PNKD: variants seen among roughly 807,000 people sequenced by gnomAD.
PNKD encodes the protein probable thioesterase PNKD.
PNKD carries 36 observed loss-of-function variants against 45.3 expected under a neutral mutation model. The ratio of observed to expected loss-of-function variants is 0.80; its 90% confidence interval spans 0.61 to 1.05. The LOEUF (loss-of-function observed/expected upper bound fraction) is 1.05, where lower values mean the gene tolerates loss of function less well. Among genes scored for constraint, PNKD ranks in the 50% least tolerant of loss-of-function variants. The probability of loss-of-function intolerance (pLI) is 0.00; values close to 1 mark genes in which losing one functional copy is unlikely to be tolerated. For missense variants in PNKD, 511 were observed against 506.6 expected (o/e 1.01, Z -0.08); for synonymous variants, 197 against 210.1 (o/e 0.94, Z 0.54).
At chr2:218,293,616 C>G (rs955262908) in intron 2 of PNKD, among the ~76,000 whole-genome samples, 1 of 135,118 alleles carries the variant, frequency 7.4e-6, no homozygotes, top group Non-Finnish European at 1.5e-5. Context: ...GACAGGGTCT[C>G]GCTCTGTCAC....
chr2:218,297,634 G>A (rs1354044830), intron 2 of PNKD, among the ~76,000 whole-genome samples: 2 of 136,930 alleles, frequency 1.5e-5, no homozygotes, highest in Admixed American at 8.5e-5. Context: ...GCAGTGAGCC[G>A]AGATCATGCC....
intron 2 of PNKD, among the ~76,000 whole-genome samples, chr2:218,330,979 CTG>C (rs1694299298): frequency 6.6e-6 from 1 of 152,206 alleles, no homozygotes; most frequent in Admixed American, 6.5e-5. Context: ...GAAAGGGAAA[CTG>C]AGGTTAGGGG....
At chr2:218,338,005 G>A (rs1169676890) in intron 2 of PNKD, among the ~76,000 whole-genome samples, 2 of 152,176 alleles carry the variant, frequency 1.3e-5, no homozygotes, top group East Asian at 3.9e-4. Flanking sequence ...AAATTAGCTG[G>A]GTGTGGTGGT....
intron 2 of PNKD, among the ~76,000 whole-genome samples, chr2:218,298,899 G>A (rs755942152): frequency 9.2e-5 from 14 of 152,024 alleles, no homozygotes; most frequent in Non-Finnish European, 2.1e-4. Context: ...CCCAAGAAAA[G>A]CCAACAGCGA....
chr2:218,277,003 C>A, intron 2 of PNKD: 2 of 1,613,466 alleles, frequency 1.2e-6, no homozygotes, highest in Non-Finnish European at 1.7e-6. Flanking sequence ...GGGACACTCA[C>A]GTATTGGAAG....
intron 2 of PNKD, among the ~76,000 whole-genome samples, chr2:218,299,555 C>T (rs1693222346): frequency 6.6e-6 from 1 of 152,218 alleles, no homozygotes; most frequent in African/African-American, 2.4e-5. Context: ...AGCCATCCTC[C>T]CACCTCAGCC....
intron 2 of PNKD, among the ~76,000 whole-genome samples, chr2:218,339,386 C>T (rs1249389464): frequency 3.9e-5 from 6 of 152,098 alleles, no homozygotes; most frequent in South Asian, 2.1e-4. Context: ...CCACCACACC[C>T]GACTAAGTTT....
intron 2 of PNKD, among the ~76,000 whole-genome samples, chr2:218,281,493 G>A (rs1691988398): frequency 6.6e-6 from 1 of 152,212 alleles, no homozygotes; most frequent in South Asian, 2.1e-4. Flanking sequence ...TACCAAACTT[G>A]GCTCCAAATG....
At chr2:218,278,955 C>T in intron 2 of PNKD, 1 of 1,541,520 alleles carries the variant, frequency 6.5e-7, no homozygotes, top group Non-Finnish European at 8.9e-7. Flanking sequence ...CATTTTGATC[C>T]TGCCCTGAGC....
At chr2:218,298,298 C>T (rs538161252) in intron 2 of PNKD, among the ~76,000 whole-genome samples, 1 of 152,256 alleles carries the variant, frequency 6.6e-6, no homozygotes, top group Non-Finnish European at 1.5e-5. Context: ...CTTGGGGATA[C>T]TTCTTTCCAG....
At chr2:218,273,447 T>TG (rs1491183557) in intron 2 of PNKD, among the ~76,000 whole-genome samples, 10 of 95,060 alleles carry the variant, frequency 1.1e-4, no homozygotes, top group African/African-American at 7.0e-4. Context: ...ACTTTTTGTG[T>TG]TTTTTTTTTT....
chr2:218,270,673 A>G (rs1016032895), intron 1 of PNKD, 71 bp downstream of exon 1: 3 of 472,886 alleles, frequency 6.3e-6, no homozygotes, highest in African/African-American at 6.0e-5. Context: ...GCCCGACGAT[A>G]GCAGGAGGTC....
At chr2:218,336,895 G>C (rs1694512886) in intron 2 of PNKD, among the ~76,000 whole-genome samples, 1 of 143,174 alleles carries the variant, frequency 7.0e-6, no homozygotes, top group South Asian at 2.2e-4. Flanking sequence ...CGCCTCCCAG[G>C]TTCAAGTGAT....
At chr2:218,324,119 C>G (rs988307536) in intron 2 of PNKD, among the ~76,000 whole-genome samples, 1 of 152,180 alleles carries the variant, frequency 6.6e-6, no homozygotes, top group Non-Finnish European at 1.5e-5. Context: ...TCCTGCCTCC[C>G]TCTACCCCTT....
intron 2 of PNKD, among the ~76,000 whole-genome samples, chr2:218,299,230 G>A (rs934808112): frequency 2.0e-5 from 3 of 152,020 alleles, no homozygotes; most frequent in Non-Finnish European, 2.9e-5. Context: ...CAACCTCCGC[G>A]TCCGAGGTTT....
At chr2:218,322,035 G>A (rs1041797773) in intron 2 of PNKD, among the ~76,000 whole-genome samples, 6 of 146,570 alleles carry the variant, frequency 4.1e-5, no homozygotes, top group Non-Finnish European at 7.4e-5. Flanking sequence ...CGATTCTCCT[G>A]TCTCAGCCTC....
At chr2:218,283,930 A>G (rs6757595) in intron 2 of PNKD, 151,802 of 152,300 alleles carry the variant, frequency 1, 75,656 homozygotes, top group East Asian at 1. Context: ...ACTTTAGAAG[A>G]CTGAAGTGGG....
intron 2 of PNKD, chr2:218,282,288 C>T: frequency 1.6e-6 from 1 of 630,958 alleles, no homozygotes; most frequent in Non-Finnish European, 2.6e-6. Flanking sequence ...GAGAGGAACA[C>T]CACCTATTTT....
At chr2:218,304,635 A>G (rs890165840) in intron 2 of PNKD, among the ~76,000 whole-genome samples, 1 of 152,318 alleles carries the variant, frequency 6.6e-6, no homozygotes, top group African/African-American at 2.4e-5. Flanking sequence ...ACACTGACAC[A>G]TGTTTTCTAC....
Sources: gnomAD v4.1 joint callset for allele counts (sites outside exome capture counted in the v4.1 genomes callset) on GRCh38, gnomAD v4.1.1 for gene constraint, MANE v1.5 for transcripts, NCBI Gene and HGNC (gene_info 2026-07-23, HGNC 2026-07-21) for gene names.